The following GREP1 variants were observed in gnomAD, a reference collection of about 807,000 sequenced individuals.
GREP1 encodes the protein glycine-rich extracellular protein 1.
At position 2,989,160 on chromosome 16, in the gene GREP1, G is replaced by T; in HGVS notation, c.101-363G>T. On this transcript the variant is annotated intron_variant, in intron 2 of 34. Transcript: ENST00000573315. This position sits in a 1 kb window ranked among gnomAD's most constrained non-coding sequence, Gnocchi z 4.2. ...AGCCCAGTACTGAGAATGGATGGGA[G>T]AGGAGAGGAAGAGGGTGGAGTGGGC... The T allele has an allele frequency of 3.3e-6, 1 of 300,984 alleles. No homozygotes were observed. Among genetic ancestry groups the T allele is most frequent in the Admixed American group, 5.1e-5 (1 of 19,502 alleles). The allele number at this position is 300,984 out of a possible 1,614,324, so 18.6% of individuals were successfully genotyped here. A position where few individuals can be genotyped will look rare whatever the true frequency, so the allele number is the denominator to read the frequency against.
rs1434947085 is a variant in GREP1, at chr16:2,991,012, C to A, written c.269-36C>A. Reference sequence around the variant, plus strand: ...CTCTGTCTCTGCTTGACGCCCCATTCCCCCTCCTCATGTCCCTCTGGCTCT... The same window carrying A: ...CTCTGTCTCTGCTTGACGCCCCATTACCCCTCCTCATGTCCCTCTGGCTCT... On this transcript the variant is annotated intron_variant, in intron 7 of 34. Coordinates refer to ENST00000573315, the Ensembl canonical transcript of GREP1. The surrounding 1 kb of genome is among the most constrained non-coding windows in gnomAD (Gnocchi z 4.9). The A allele has an allele frequency of 1.0e-5, 4 of 399,172 alleles. No homozygotes were observed. Among genetic ancestry groups the A allele is most frequent in the Non-Finnish European group, 1.8e-5 (4 of 226,218 alleles). 24.7% of individuals were successfully genotyped at this position (399,172 alleles called of 1,614,324 possible).
chr16:2,989,664 C>A lies in GREP1; in HGVS notation c.130+112C>A. 2.5e-6 allele frequency: 1 copy of A among 399,100 alleles called. No individual in the cohort carries two copies. The highest frequency in any genetic ancestry group is 1.3e-4 in the South Asian group (1 of 7,740). 24.7% of individuals were successfully genotyped at this position (399,100 alleles called of 1,614,324 possible). On this transcript the variant is annotated intron_variant, in intron 3 of 34. Transcript: ENST00000573315. The surrounding 1 kb of genome is among the most constrained non-coding windows in gnomAD (Gnocchi z 4.2). Reference sequence around the variant, plus strand: ...GGGGGCAGGTAAAGGGGGAAGCAGTCGTCTCAGAAATACATGGGGACAGAG... The same window carrying A: ...GGGGGCAGGTAAAGGGGGAAGCAGTAGTCTCAGAAATACATGGGGACAGAG...
intron 2 of GREP1, chr16:2,988,858 G>A (rs1029157715): frequency 5.1e-6 from 2 of 392,600 alleles, no homozygotes; most frequent in Non-Finnish European, 9.0e-6. Context: ...GGCCTGGGCA[G>A]GCTGAGAAGG....
chr16:2,990,765 G>A (rs1392039475), intron 7 of GREP1, among the ~76,000 whole-genome samples, 178 bp downstream of exon 6: 1 of 152,114 alleles, frequency 6.6e-6, no homozygotes, highest in Non-Finnish European at 1.5e-5. Flanking sequence ...AGGAGGGGAC[G>A]GTGAGGAGTT....
intron 21 of GREP1, 197 bp downstream of exon 20, chr16:2,997,282 G>A (rs918969238): frequency 2.5e-5 from 10 of 398,522 alleles, no homozygotes; most frequent in Non-Finnish European, 4.0e-5. Flanking sequence ...GAGAGGTGGC[G>A]CCAGGATCCC....
At chr16:2,993,381 A>G (rs2072408425) in intron 10 of GREP1, 1 of 155,234 alleles carries the variant, frequency 6.4e-6, no homozygotes, top group Non-Finnish European at 1.4e-5. Flanking sequence ...AGTGGCTAAC[A>G]CCTGTAATCC....
At chr16:2,994,868 C>G (rs1352833348) in intron 12 of GREP1, 30 bp downstream of exon 13, 2 of 399,128 alleles carry the variant, frequency 5.0e-6, no homozygotes, top group Non-Finnish European at 8.8e-6. Context: ...GTCCCTCTGC[C>G]TCCCCAAAAC....
Position 2,996,719 on chromosome 16 carries a change from C to A in GREP1, c.745+14C>A. On this transcript the variant is annotated intron_variant, in intron 20 of 34. Transcript: ENST00000573315. ...CTCAGATGCCAGGTGAGGGGACTGC[C>A]TGTGTCTGTGGCCCCACCTCCCCTA... 1 of 398,908 alleles carries A rather than the reference C, an allele frequency of 2.5e-6. No individual in the cohort carries two copies. Among genetic ancestry groups the A allele is most frequent in the Non-Finnish European group, 4.4e-6 (1 of 226,246 alleles). 24.7% of individuals were successfully genotyped at this position (398,908 alleles called of 1,614,324 possible).
In GREP1 at chr16:2,989,285, C is replaced by G. The variant is rs567858320; in HGVS notation, c.101-238C>G. On this transcript the variant is annotated intron_variant, in intron 2 of 34. Transcript: ENST00000573315. The surrounding 1 kb of genome is among the most constrained non-coding windows in gnomAD (Gnocchi z 4.2). ...CCTAGCCCCAGACTGCTCACCTCCT[C>G]TGCCCTCTACCCTCCTGTGACAGCA... 2 of 391,294 alleles carry G rather than the reference C, an allele frequency of 5.1e-6. No individual in the cohort carries two copies. The highest frequency in any genetic ancestry group is 2.9e-4 in the South Asian group (2 of 6,936). 24.2% of individuals were successfully genotyped at this position (391,294 alleles called of 1,614,324 possible). A position where few individuals can be genotyped will look rare whatever the true frequency, so the allele number is the denominator to read the frequency against.
At position 2,989,596 on chromosome 16, in the gene GREP1, C is replaced by T. The variant is rs1428291036; in HGVS notation, c.130+44C>T. 3 of 381,646 alleles carry T rather than the reference C, an allele frequency of 7.9e-6. No individual in the cohort carries two copies. Among genetic ancestry groups the T allele is most frequent in the South Asian group, 1.4e-4 (1 of 7,120 alleles). The allele number at this position is 381,646 out of a possible 1,614,324, so 23.6% of individuals were successfully genotyped here. ...AAGGGAGGCGTCTGAGGGCAGGGCA[C>T]GGGGCAGGGGGGAGGCAGGACAGGA... On this transcript the variant is annotated intron_variant, in intron 3 of 34. Transcript: ENST00000573315. This position sits in a 1 kb window ranked among gnomAD's most constrained non-coding sequence, Gnocchi z 4.2.
At chr16:2,997,596 T>C (rs565488451) in intron 22 of GREP1, among the ~76,000 whole-genome samples, 9 of 151,722 alleles carry the variant, frequency 5.9e-5, no homozygotes, top group East Asian at 1.9e-4. Flanking sequence ...AGTTCCTAAA[T>C]TGGGAGGAAA....
chr16:3,000,723 G>A (rs2072456856), exon 33 of GREP1: 1 of 398,900 alleles, frequency 2.5e-6, no homozygotes, highest in Non-Finnish European at 4.4e-6. Flanking sequence ...GGGCAGGCCG[G>A]GGTGCTGTGG....
rs1014945668 is a variant in GREP1, at chr16:2,990,787, C to T, written c.268+200C>T. Reference sequence around the variant, plus strand: ...GACGGTGAGGAGTTCTGATGTCTGGCTTGGTAAGGGGACAGGGGCACCTGG... The same window carrying T: ...GACGGTGAGGAGTTCTGATGTCTGGTTTGGTAAGGGGACAGGGGCACCTGG... On this transcript the variant is annotated intron_variant, in intron 7 of 34. Transcript: ENST00000573315. 2.6e-5 allele frequency among the ~76,000 whole-genome samples: 4 copies of T among 152,092 alleles called. No individual in the cohort carries two copies. In the South Asian group the frequency reaches 6.2e-4, roughly 24 times the overall value.
At chr16:2,994,194 G>T (rs1363568919) in intron 10 of GREP1, 1 of 152,178 alleles carries the variant, frequency 6.6e-6, no homozygotes, top group Non-Finnish European at 1.5e-5. Flanking sequence ...TTTGAACAAA[G>T]AAGGTACAGG....
rs1323885090 is a variant in GREP1, at chr16:2,999,839, T to G, written c.1190-63T>G. 260 of 399,052 alleles carry G rather than the reference T, an allele frequency of 6.5e-4. 2 individuals carry two copies. In the East Asian group the frequency reaches 9.3e-3, roughly 14 times the overall value. The allele number at this position is 399,052 out of a possible 1,614,324, so 24.7% of individuals were successfully genotyped here. On this transcript the variant is annotated intron_variant, in intron 27 of 34. Transcript: ENST00000573315. The stretch of plus-strand genomic sequence containing the variant: ...CCCTTCAGAGTCCCTAAGGTCGATC[T>G]TTGGCCTCCAAGGAGTCAGGGGAGA...
chr16:2,995,801 C>T (rs2072421659), intron 17 of GREP1, 30 bp downstream of exon 17: 1 of 398,526 alleles, frequency 2.5e-6, no homozygotes, highest in African/African-American at 2.1e-5. Context: ...GTCTGCCTCT[C>T]TATGCACGAA....
At position 2,992,227 on chromosome 16, in the gene GREP1, A is replaced by G. The variant is rs929036397; in HGVS notation, c.323-578A>G. The G allele has an allele frequency of 1.3e-5, 2 of 152,292 alleles. No individual in the cohort carries two copies. Among genetic ancestry groups the G allele is most frequent in the African/African-American group, 4.8e-5 (2 of 41,436 alleles). The allele number at this position is 152,292 out of a possible 1,614,324, so 9.4% of individuals were successfully genotyped here. ...AGAAGACACAGGGAAGAACCAGGGG[A>G]TATCAGAGGTCCAGAAGGCAGAAAG... On this transcript the variant is annotated intron_variant, in intron 8 of 34. Coordinates refer to ENST00000573315, the Ensembl canonical transcript of GREP1. This position sits in a 1 kb window ranked among gnomAD's most constrained non-coding sequence, Gnocchi z 4.9.
At chr16:2,996,466 G>A (rs952118454) in intron 18 of GREP1, 30 bp from the exon 18 acceptor site, 8 of 398,806 alleles carry the variant, frequency 2.0e-5, no homozygotes, top group Non-Finnish European at 2.7e-5. Flanking sequence ...GAATGCCGCC[G>A]TCTCACACCC....
At chr16:2,995,715 C>T (rs959737751) in intron 16 of GREP1, 24 bp from the exon 17 acceptor site, 5 of 398,618 alleles carry the variant, frequency 1.3e-5, no homozygotes, top group African/African-American at 6.2e-5. Context: ...GAGTCACTCA[C>T]CAGCCCCCCT....
Sources: allele counts gnomAD v4.1 joint callset (sites outside exome capture counted in the v4.1 genomes callset), GRCh38; gene constraint gnomAD v4.1.1; non-coding constraint Gnocchi (gnomAD v3.1); transcripts MANE v1.5; gene names NCBI Gene and HGNC (gene_info 2026-07-23, HGNC 2026-07-21).